The following PHIP variants were observed in gnomAD, a reference collection of about 807,000 sequenced individuals.
PHIP encodes the protein PH-interacting protein.
PHIP carries 54 observed loss-of-function variants against 236.8 expected under a neutral mutation model. That is an observed-to-expected ratio of 0.23 (90% CI 0.18 to 0.29). The LOEUF (loss-of-function observed/expected upper bound fraction) is 0.29, where lower values mean the gene tolerates loss of function less well. PHIP is among the 10% of genes least tolerant of loss of function. The pLI is 1.00. For missense variants in PHIP, 1,370 were observed against 2,190.8 expected, an observed-to-expected ratio of 0.63 and a Z score of 7.48; for synonymous variants, 756 against 718.9, an observed-to-expected ratio of 1.05 and a Z score of -0.83.
chr6:78,957,277 A>G (rs1018176568), intron 32 of PHIP: 3 of 152,160 alleles, frequency 2.0e-5, no homozygotes, highest in African/African-American at 7.2e-5. Context: ...GAAAAAACAG[A>G]TACACATACA....
rs1773338351 is a variant in PHIP, at chr6:78,938,020, A to G, written c.*2673T>C. 1.3e-5 allele frequency: 2 copies of G among 151,778 alleles called. No homozygotes were observed. Among genetic ancestry groups the G allele is most frequent in the South Asian group, 4.1e-4 (2 of 4,834 alleles). 9.4% of individuals were successfully genotyped at this position (151,778 alleles called of 1,614,324 possible). A position where few individuals can be genotyped will look rare whatever the true frequency, so the allele number is the denominator to read the frequency against. ...TATTTCTTTCTGGCCTATTAACAGT[A>G]CATACATAGTGTTACTGCCTCAAAG... is the stretch of plus-strand genomic sequence containing the variant. On this transcript the variant is annotated 3_prime_UTR_variant, in exon 40 of 40. Coordinates refer to ENST00000275034, the MANE Select transcript of PHIP (RefSeq NM_017934.7).
At chr6:79,009,928 G>C (rs948831121) in intron 15 of PHIP, among the ~76,000 whole-genome samples, 1 of 151,798 alleles carries the variant, frequency 6.6e-6, no homozygotes, top group Non-Finnish European at 1.5e-5. Context: ...AATTACTAAA[G>C]TGTATGGTAA....
chr6:79,073,190 C>A (rs1773977541), intron 4 of PHIP, among the ~76,000 whole-genome samples: 1 of 152,182 alleles, frequency 6.6e-6, no homozygotes, highest in East Asian at 1.9e-4. Flanking sequence ...TTTGTAAATG[C>A]CTCAAATTTT....
chr6:78,943,963 G>GT (rs1454421543), intron 39 of PHIP, among the ~76,000 whole-genome samples: 3 of 133,516 alleles, frequency 2.2e-5, no homozygotes, highest in Non-Finnish European at 3.1e-5. Flanking sequence ...TTCAGCCTCG[G>GT]TGACAGAGCA....
intron 29 of PHIP, among the ~76,000 whole-genome samples, chr6:78,963,865 G>C (rs1766953399): frequency 1.3e-5 from 2 of 152,112 alleles, no homozygotes; most frequent in African/African-American, 4.8e-5. Flanking sequence ...ATACACTCTA[G>C]AAAATACGCC....
chr6:79,065,863 T>C (rs374181800), intron 4 of PHIP, among the ~76,000 whole-genome samples: 2 of 151,830 alleles, frequency 1.3e-5, no homozygotes, highest in East Asian at 1.9e-4. Context: ...TTCTAAACAT[T>C]CTTTATAAAC....
chr6:79,064,557 T>C (rs903114808), intron 4 of PHIP, among the ~76,000 whole-genome samples: 1 of 152,210 alleles, frequency 6.6e-6, no homozygotes, highest in Non-Finnish European at 1.5e-5. Context: ...TTTAAATCTA[T>C]ACCTTATTTA....
chr6:79,068,328 T>C (rs1445785717), intron 4 of PHIP, among the ~76,000 whole-genome samples: 5 of 152,110 alleles, frequency 3.3e-5, no homozygotes, highest in Admixed American at 3.3e-4. Context: ...CCGGACGTGG[T>C]GGCACGTGCC....
chr6:79,025,542 C>G lies in PHIP; in HGVS notation c.900G>C (p.Trp300Cys). 1 of 1,607,174 alleles carries G rather than the reference C, an allele frequency of 6.2e-7. No individual in the cohort carries two copies. Among genetic ancestry groups the G allele is most frequent in the Non-Finnish European group, 8.5e-7 (1 of 1,173,962 alleles). Residue 300 changes from tryptophan (W) to cysteine (C), a missense_variant, in exon 9 of 40, where the codon TGG becomes TGC. Physicochemically the swap from Trp to Cys is radical, Grantham distance 215. Transcript: ENST00000275034. ...ACTTTATTTTAAGGGTTCCAGCATC[C>G]CAGAGCCAAAAACAAATAGTGCCAT... ...GADGTICFWL[W>C]DAGTLKINPR...
intron 2 of PHIP, 26 bp downstream of exon 2, chr6:79,077,829 C>T (rs773135985): frequency 2.3e-5 from 32 of 1,374,158 alleles, no homozygotes; most frequent in Admixed American, 5.9e-5. Flanking sequence ...GAGCGCCGGC[C>T]CGGCCCGCGC....
intron 6 of PHIP, among the ~76,000 whole-genome samples, chr6:79,056,484 A>C (rs750232137): frequency 2.0e-5 from 3 of 152,188 alleles, no homozygotes; most frequent in Non-Finnish European, 2.9e-5. Flanking sequence ...GGAAAGGAGG[A>C]GGCATGACAT....
intron 24 of PHIP, among the ~76,000 whole-genome samples, chr6:78,971,491 T>C (rs1767546787): frequency 6.6e-6 from 1 of 152,190 alleles, no homozygotes; most frequent in African/African-American, 2.4e-5. Context: ...CATACTTTCA[T>C]TCTATTCATT....
chr6:79,048,637 G>C (rs1207310642), intron 6 of PHIP, among the ~76,000 whole-genome samples: 6 of 152,072 alleles, frequency 3.9e-5, no homozygotes, highest in Non-Finnish European at 8.8e-5. Flanking sequence ...AAATGAAAAT[G>C]ACTATGAATT....
intron 9 of PHIP, among the ~76,000 whole-genome samples, chr6:79,025,197 G>C (rs1771335198): frequency 6.6e-6 from 1 of 152,026 alleles, no homozygotes; most frequent in African/African-American, 2.4e-5. Context: ...AAATTCTTAA[G>C]ATTAAGTTCT....
At chr6:78,993,468 A>G (rs1164196363) in intron 19 of PHIP, among the ~76,000 whole-genome samples, 1 of 152,250 alleles carries the variant, frequency 6.6e-6, no homozygotes, top group Non-Finnish European at 1.5e-5. Flanking sequence ...TTCAAAGGGC[A>G]GTCTAAATCT....
intron 24 of PHIP, among the ~76,000 whole-genome samples, chr6:78,974,382 T>C (rs1477274730): frequency 4.0e-5 from 6 of 151,548 alleles, no homozygotes; most frequent in African/African-American, 1.5e-4. Flanking sequence ...AAGCAGTGTG[T>C]AGAGGGAAAT....
Position 79,011,322 on chromosome 6 carries a change from AGTTT to A in PHIP, c.1524+3756_1524+3759del, listed in dbSNP as rs570161629. Among the ~76,000 whole-genome samples the A allele has an allele frequency of 1.1e-3, 168 of 152,008 alleles. 2 individuals are homozygous for A. In the East Asian group the frequency reaches 0.028, roughly 26 times the overall value. On this transcript the variant is annotated intron_variant, in intron 15 of 39. Transcript: ENST00000275034. Reference sequence around the variant, plus strand: ...TAAAAGTACTGAAGGCCTAGAATGTAGTTTGTTTGTTTTTAAAGAATAAAGTTGT... The same window carrying A: ...TAAAAGTACTGAAGGCCTAGAATGTAGTTTGTTTTTAAAGAATAAAGTTGT...
chr6:79,021,524 C>A lies in PHIP; in HGVS notation c.924-2365G>T, dbSNP rs544050589. Among the ~76,000 whole-genome samples the A allele has an allele frequency of 2.0e-3, 307 of 152,250 alleles. 1 individual carries two copies. The highest frequency in any genetic ancestry group is 7.1e-3 in the African/African-American group (294 of 41,560). On this transcript the variant is annotated intron_variant, in intron 9 of 39. Transcript: ENST00000275034. Reference sequence around the variant, plus strand: ...ATAAAGAAAATGTGGTACTTATACACAATGGAGTACTATTCAGCCATAAAA... The same window carrying A: ...ATAAAGAAAATGTGGTACTTATACAAAATGGAGTACTATTCAGCCATAAAA...
chr6:78,992,395 C>A (rs941554211), intron 19 of PHIP, among the ~76,000 whole-genome samples: 7 of 152,132 alleles, frequency 4.6e-5, no homozygotes, highest in Admixed American at 1.3e-4. Flanking sequence ...ACTGAGACTT[C>A]CCCAGTTTTA....
Sources: gnomAD v4.1 joint callset for allele counts (sites outside exome capture counted in the v4.1 genomes callset) on GRCh38, gnomAD v4.1.1 for gene constraint, MANE v1.5 for transcripts, NCBI Gene and HGNC (gene_info 2026-07-23, HGNC 2026-07-21) for gene names.